MGAT4C: variants seen among roughly 807,000 people sequenced by gnomAD.
The protein encoded by MGAT4C is MGAT4 family member C.
MGAT4C carries 19 observed loss-of-function variants against 40.1 expected under a neutral mutation model. The observed-to-expected ratio is 0.47, with a 90% CI of 0.33 to 0.70. MGAT4C has a LOEUF of 0.70. Ranked by LOEUF, MGAT4C falls within the 30% of genes least tolerant of loss-of-function variation. MGAT4C has a pLI of 0.02. For missense variants in MGAT4C, 491 were observed against 563.2 expected, an observed-to-expected ratio of 0.87 and a Z score of 1.30; for synonymous variants, 181 against 187.1, an observed-to-expected ratio of 0.97 and a Z score of 0.27.
At chr12:86,127,828 G>T (rs1002353118) in intron 1 of MGAT4C, among the ~76,000 whole-genome samples, 3 of 152,116 alleles carry the variant, frequency 2.0e-5, no homozygotes, top group African/African-American at 7.2e-5. Flanking sequence ...GGTCTTTGGG[G>T]CAGTAACACA....
At chr12:86,623,283 G>A (rs1454815230) in intron 2 of MGAT4C, among the ~76,000 whole-genome samples, 1 of 152,078 alleles carries the variant, frequency 6.6e-6, no homozygotes, top group Non-Finnish European at 1.5e-5. Flanking sequence ...TTCTATTTCT[G>A]CTATGCAATG....
At chr12:86,297,119 T>G (rs111731115) in intron 4 of MGAT4C, among the ~76,000 whole-genome samples, 229 of 152,290 alleles carry the variant, frequency 1.5e-3, no homozygotes, top group African/African-American at 5.2e-3. Context: ...GTGACCCCAA[T>G]GAAGGAAATA....
chr12:86,758,682 G>C (rs1271025809), intron 1 of MGAT4C, among the ~76,000 whole-genome samples: 1 of 151,868 alleles, frequency 6.6e-6, no homozygotes, highest in Non-Finnish European at 1.5e-5. Context: ...AGTGAGTCAT[G>C]AACAAAAAAG....
rs185779296 is a variant in MGAT4C at position 85,991,467 on chromosome 12, C to T, written c.-6-1915G>A. ...GTGGGGCTTCACTGGGGACCCACCC[C>T]CTTCCCCCCAGAAGTCTGTCTGCCT... On this transcript the variant is annotated intron_variant, in intron 2 of 4. Transcript: ENST00000611864. Among the ~76,000 whole-genome samples, 1,082 of 151,026 alleles carry T rather than the reference C, an allele frequency of 7.2e-3. 13 individuals carry two copies. Among genetic ancestry groups the T allele is most frequent in the African/African-American group, 0.025 (1,007 of 40,382 alleles).
At chr12:86,163,664 T>C (rs1885859530) in intron 1 of MGAT4C, among the ~76,000 whole-genome samples, 2 of 152,192 alleles carry the variant, frequency 1.3e-5, no homozygotes, top group Non-Finnish European at 2.9e-5. Context: ...AAACAGATCA[T>C]TCTCTACATA....
At chr12:86,768,481 T>A (rs1951559738) in intron 1 of MGAT4C, among the ~76,000 whole-genome samples, 1 of 151,990 alleles carries the variant, frequency 6.6e-6, no homozygotes, top group East Asian at 1.9e-4. Flanking sequence ...CCCATCAAGC[T>A]ACCAATGACT....
At position 86,446,709 on chromosome 12, in the gene MGAT4C, G is replaced by GTGAT. The variant is rs533012545; in HGVS notation, c.-228-11448_-228-11445dup. On this transcript the variant is annotated intron_variant, in intron 2 of 7. Coordinates refer to the MGAT4C transcript ENST00000548651. Reference sequence around the variant, plus strand: ...TATATATATATATATATATATGGATGTGATTAGCCATGGTGGAAAGAGTGT... The same window carrying GTGAT: ...TATATATATATATATATATATGGATGTGATTGATTAGCCATGGTGGAAAGAGTGT... Among the ~76,000 whole-genome samples, 637 of 101,796 alleles carry GTGAT rather than the reference G, an allele frequency of 6.3e-3. 8 individuals carry two copies. Among genetic ancestry groups the GTGAT allele is most frequent in the African/African-American group, 0.02 (608 of 30,008 alleles). The allele number at this position is 101,796 out of a possible 152,430, so 66.8% of individuals were successfully genotyped here. A position where few individuals can be genotyped will look rare whatever the true frequency, so the allele number is the denominator to read the frequency against.
At chr12:86,779,470 T>C (rs1298720278) in intron 1 of MGAT4C, among the ~76,000 whole-genome samples, 1 of 151,904 alleles carries the variant, frequency 6.6e-6, no homozygotes, top group Admixed American at 6.6e-5. Context: ...GGCATGGTAG[T>C]GTACGCCTGT....
intron 1 of MGAT4C, among the ~76,000 whole-genome samples, chr12:86,183,174 T>G (rs904487501): frequency 6.6e-6 from 1 of 152,228 alleles, no homozygotes; most frequent in Non-Finnish European, 1.5e-5. Context: ...TTATACACTT[T>G]GCATTTCTCT....
At position 86,216,198 on chromosome 12, in the gene MGAT4C, C is replaced by T. The variant is rs993267266; in HGVS notation, c.-57+40041G>A. On this transcript the variant is annotated intron_variant, in intron 1 of 4. Coordinates refer to ENST00000611864, the MANE Select transcript of MGAT4C (RefSeq NM_001351288.2). Reference sequence around the variant, plus strand: ...TAATGAAAACACAGAATTATGGTAACTAGTGCGGGGAAGTTTTAACTTAAA... The same window carrying T: ...TAATGAAAACACAGAATTATGGTAATTAGTGCGGGGAAGTTTTAACTTAAA... 8.5e-5 allele frequency among the ~76,000 whole-genome samples: 13 copies of T among 152,164 alleles called. 1 individual carries two copies. The highest frequency in any genetic ancestry group is 6.8e-3 in the Middle Eastern group (2 of 294).
intron 2 of MGAT4C, among the ~76,000 whole-genome samples, chr12:86,539,228 A>C (rs955323470): frequency 6.8e-6 from 1 of 146,228 alleles, no homozygotes; most frequent in Non-Finnish European, 1.5e-5. Flanking sequence ...CCCGTGTCCA[A>C]GTGTTCTCAT....
intron 2 of MGAT4C, among the ~76,000 whole-genome samples, chr12:86,484,399 C>T (rs1026648854): frequency 2.6e-5 from 4 of 152,352 alleles, no homozygotes; most frequent in Middle Eastern, 3.4e-3. Context: ...TGGCTTAAGG[C>T]CCCTCCCTGG....
At chr12:86,007,424 A>G (rs1276989959) in intron 2 of MGAT4C, among the ~76,000 whole-genome samples, 1 of 152,172 alleles carries the variant, frequency 6.6e-6, no homozygotes, top group African/African-American at 2.4e-5. Flanking sequence ...ATTTCAGGAT[A>G]TAAAAAATAT....
At chr12:86,692,380 TA>T (rs1228113071) in intron 2 of MGAT4C, among the ~76,000 whole-genome samples, 4 of 152,096 alleles carry the variant, frequency 2.6e-5, no homozygotes, top group Non-Finnish European at 5.9e-5. Flanking sequence ...ACCAACTACT[TA>T]GAAAGAAATG....
intron 2 of MGAT4C, among the ~76,000 whole-genome samples, chr12:86,014,548 G>C (rs10863146): frequency 0.42 from 64,030 of 151,908 alleles, 14,095 homozygotes; most frequent in Middle Eastern, 0.49. Flanking sequence ...TAGTGTGAAC[G>C]TCAGCCAGCC....
At chr12:86,375,803 T>C (rs886835034) in intron 3 of MGAT4C, among the ~76,000 whole-genome samples, 5 of 152,038 alleles carry the variant, frequency 3.3e-5, no homozygotes, top group Admixed American at 6.6e-5. Flanking sequence ...ACAATGAATA[T>C]CAAAATCTTT....
At chr12:86,068,741 C>G (rs1220691426) in intron 1 of MGAT4C, among the ~76,000 whole-genome samples, 1 of 151,978 alleles carries the variant, frequency 6.6e-6, no homozygotes, top group Non-Finnish European at 1.5e-5. Context: ...ATGAGGCATT[C>G]TCTTTACTAT....
intron 2 of MGAT4C, among the ~76,000 whole-genome samples, chr12:86,032,830 A>AGG (rs1890886122): frequency 1.3e-5 from 2 of 149,566 alleles, no homozygotes; most frequent in African/African-American, 4.9e-5. Context: ...TTGTCATGAA[A>AGG]TCTTTGCCAG....
At chr12:86,422,135 T>C (rs1449091330) in intron 3 of MGAT4C, among the ~76,000 whole-genome samples, 1 of 152,120 alleles carries the variant, frequency 6.6e-6, no homozygotes, top group Non-Finnish European at 1.5e-5. Context: ...CCCACAACTC[T>C]AAAAAAATGG....
Sources: allele counts gnomAD v4.1 joint callset (sites outside exome capture counted in the v4.1 genomes callset), GRCh38; gene constraint gnomAD v4.1.1; transcripts MANE v1.5; gene names NCBI Gene and HGNC (gene_info 2026-07-23, HGNC 2026-07-21).